The following CTTNBP2 variants were observed in gnomAD, a reference collection of about 807,000 sequenced individuals.
CTTNBP2 encodes the protein cortactin-binding protein 2.
A neutral mutation model predicts 156.9 loss-of-function variants in CTTNBP2; 108 were observed. That is an observed-to-expected ratio of 0.69 (90% CI 0.59 to 0.81). The LOEUF is 0.81. CTTNBP2 is among the 30% of genes least tolerant of loss of function. The probability of loss-of-function intolerance (pLI) is 0.00; values close to 1 mark genes in which losing one functional copy is unlikely to be tolerated. For synonymous variants in CTTNBP2, 767 were observed against 751.8 expected (o/e 1.02, Z -0.33); for missense variants, 1,924 against 2,035.4 (o/e 0.95, Z 1.05).
At chr7:117,764,220 T>C (rs762733241) in intron 9 of CTTNBP2, among the ~76,000 whole-genome samples, 3 of 152,202 alleles carry the variant, frequency 2.0e-5, no homozygotes, top group Non-Finnish European at 4.4e-5. Flanking sequence ...TGTTCATTCA[T>C]GTCCACAGGA....
At chr7:117,811,145 C>T (rs994003286) in intron 2 of CTTNBP2, among the ~76,000 whole-genome samples, 156 bp from the exon 3 acceptor site, 1 of 152,054 alleles carries the variant, frequency 6.6e-6, no homozygotes, top group Non-Finnish European at 1.5e-5. Context: ...CAAATGTGAC[C>T]CCCAGTCTCC....
intron 2 of CTTNBP2, among the ~76,000 whole-genome samples, chr7:117,833,731 A>G (rs1801760465): frequency 6.6e-6 from 1 of 152,214 alleles, no homozygotes; most frequent in Non-Finnish European, 1.5e-5. Context: ...GAGAGCTACA[A>G]GAAAGAGACC....
chr7:117,735,421 G>A lies in CTTNBP2; in HGVS notation c.3536C>T (p.Ala1179Val). 6.3e-7 allele frequency: 1 copy of A among 1,587,154 alleles called. No individual in the cohort carries two copies. The change falls in exon 15 of 23, where the codon GCT (alanine) becomes GTT (valine). Residue 1179 changes from alanine (A) to valine (V), a missense_variant and splice_region_variant. Transcript: ENST00000160373. The part of the protein sequence containing the change: ...EQLLDLFISS[A>V]CLIPVKQSPS... ...AGATTGTTTCACTGGGATCAGACAA[G>A]CTATAATAAAAAAGGAAATTCAGTG... is the stretch of plus-strand genomic sequence containing the variant.
In CTTNBP2 at chr7:117,711,562, T is replaced by C; in HGVS notation, c.4967A>G (p.Glu1656Gly). 6.2e-7 allele frequency: 1 copy of C among 1,613,588 alleles called. No homozygotes were observed. Among genetic ancestry groups the C allele is most frequent in the Non-Finnish European group, 8.5e-7 (1 of 1,179,832 alleles). The change falls in exon 23 of 23, where the codon GAA becomes GGA. Residue 1656 changes from glutamate (E) to glycine (G), a missense_variant. Physicochemically the swap from Glu to Gly is moderately conservative, Grantham distance 98. Coordinates refer to ENST00000160373, the MANE Select transcript of CTTNBP2 (RefSeq NM_033427.3). ...KEVNWNLHKN[E>G]HLEKPNK ...CTATTTGTTAGGTTTTTCTAGGTGTTCATTTTTGTGTAAGTTCCAATTCAC... is the reference window on the plus strand; with the variant it reads ...CTATTTGTTAGGTTTTTCTAGGTGTCCATTTTTGTGTAAGTTCCAATTCAC...
chr7:117,782,901 A>C lies in CTTNBP2; in HGVS notation c.2333T>G (p.Phe778Cys). ...AQVNAADKNGFTPLCAAAAQG... is the reference protein window; with the variant it reads ...AQVNAADKNGCTPLCAAAAQG... ...AGCAGCTGCAGCACACAAGGGTGTG[A>C]AGCCATTTTTATCAGCAGCATTGAC... The change falls in exon 6 of 23, where the codon TTC becomes TGC. Residue 778 changes from phenylalanine (F) to cysteine (C), a missense_variant. Coordinates refer to ENST00000160373, the MANE Select transcript of CTTNBP2 (RefSeq NM_033427.3). 1 of 1,614,118 alleles carries C rather than the reference A, an allele frequency of 6.2e-7. No individual in the cohort carries two copies. Among genetic ancestry groups the C allele is most frequent in the Non-Finnish European group, 8.5e-7 (1 of 1,179,956 alleles).
At chr7:117,854,983 C>T (rs931051916) in intron 2 of CTTNBP2, among the ~76,000 whole-genome samples, 2 of 152,118 alleles carry the variant, frequency 1.3e-5, no homozygotes, top group African/African-American at 2.4e-5. Context: ...TAGGGTTTCA[C>T]CATGTTGGCC....
Position 117,760,614 on chromosome 7 carries a change from A to G in CTTNBP2, c.2993T>C (p.Leu998Ser). The G allele has an allele frequency of 6.2e-7, 1 of 1,614,130 alleles. No individual in the cohort carries two copies. Among genetic ancestry groups the G allele is most frequent in the Non-Finnish European group, 8.5e-7 (1 of 1,179,976 alleles). ...CCATGATGTCTGTTTGCGGATATTT[A>G]AAGCACATATTGTGTTTTCACATTC... ...DLECENTICA[L>S]NIRKQTSWDD... Residue 998 changes from leucine (L) to serine (S), a missense_variant, in exon 10 of 23, where the codon TTA becomes TCA. Leu to Ser is a moderately radical substitution (Grantham distance 145). Coordinates refer to ENST00000160373, the MANE Select transcript of CTTNBP2 (RefSeq NM_033427.3).
intron 19 of CTTNBP2, among the ~76,000 whole-genome samples, chr7:117,723,872 G>A (rs1425030247): frequency 2.0e-5 from 3 of 151,232 alleles, no homozygotes; most frequent in Non-Finnish European, 3.0e-5. Context: ...CATGCCTCAG[G>A]CTCCTGAGTA....
intron 1 of CTTNBP2, among the ~76,000 whole-genome samples, chr7:117,868,190 C>A (rs1804339231): frequency 6.6e-6 from 1 of 152,150 alleles, no homozygotes; most frequent in Non-Finnish European, 1.5e-5. Context: ...AGCAGACATT[C>A]AAATGTAATA....
At chr7:117,844,520 G>A (rs554405550) in intron 2 of CTTNBP2, among the ~76,000 whole-genome samples, 2 of 152,228 alleles carry the variant, frequency 1.3e-5, no homozygotes, top group South Asian at 4.1e-4. Flanking sequence ...GGTTAGAACG[G>A]TGTTGGCAAA....
At chr7:117,729,038 T>C (rs1174721515) in intron 16 of CTTNBP2, among the ~76,000 whole-genome samples, 4 of 152,110 alleles carry the variant, frequency 2.6e-5, no homozygotes, top group African/African-American at 9.7e-5. Context: ...CAAGACCACA[T>C]GTAGAGGAAG....
chr7:117,773,037 T>G (rs1797876183), intron 8 of CTTNBP2, among the ~76,000 whole-genome samples: 1 of 152,136 alleles, frequency 6.6e-6, no homozygotes, highest in South Asian at 2.1e-4. Flanking sequence ...AAAAAGGAAA[T>G]AATCATAGAT....
At chr7:117,767,029 G>T in intron 9 of CTTNBP2, 30 bp downstream of exon 9, 1 of 1,201,182 alleles carries the variant, frequency 8.3e-7, no homozygotes, top group Non-Finnish European at 1.2e-6. Context: ...ATAGGGGAAA[G>T]ATAAACAATA....
intron 1 of CTTNBP2, 140 bp downstream of exon 1, chr7:117,873,195 G>C: frequency 4.9e-6 from 3 of 614,508 alleles, no homozygotes; most frequent in African/African-American, 1.9e-5. Flanking sequence ...CGAGGAAGGG[G>C]GGCCCCGATG....
At chr7:117,750,018 A>AT (rs1432544518) in intron 12 of CTTNBP2, among the ~76,000 whole-genome samples, 3 of 152,146 alleles carry the variant, frequency 2.0e-5, no homozygotes, top group East Asian at 1.9e-4. Flanking sequence ...ATTGGGTAGA[A>AT]TTTTTTTTCA....
At chr7:117,760,316 G>A in intron 10 of CTTNBP2, 119 bp downstream of exon 10, 1 of 963,918 alleles carries the variant, frequency 1.0e-6, no homozygotes, top group Non-Finnish European at 1.5e-6. Context: ...AGCACCGGCA[G>A]CTGCCACAAG....
chr7:117,721,951 TTAA>T (rs1794814890), intron 19 of CTTNBP2, among the ~76,000 whole-genome samples: 1 of 152,216 alleles, frequency 6.6e-6, no homozygotes, highest in Non-Finnish European at 1.5e-5. Flanking sequence ...TCTAAAAATA[TTAA>T]TGTTGTCAAC....
chr7:117,780,408 T>A (rs769942466), intron 7 of CTTNBP2, 33 bp downstream of exon 7: 2 of 1,398,562 alleles, frequency 1.4e-6, no homozygotes, highest in African/African-American at 3.0e-5. Flanking sequence ...GCAAATTATA[T>A]ATACAGGGGG....
Position 117,792,340 on chromosome 7 carries a change from T to C in CTTNBP2, c.856A>G (p.Lys286Glu). 6.2e-7 allele frequency: 1 copy of C among 1,614,182 alleles called. No individual in the cohort carries two copies. The highest frequency in any genetic ancestry group is 8.5e-7 in the Non-Finnish European group (1 of 1,180,016). ...GATATGGAAACCAAACGCCTATCTTTTGTCTTCCGTGGAAGAGAGAGGCTT... is the reference window on the plus strand; with the variant it reads ...GATATGGAAACCAAACGCCTATCTTCTGTCTTCCGTGGAAGAGAGAGGCTT... ...KPSLSLPRKT[K>E]DRRLVSISVG... The change falls in exon 4 of 23, where the codon AAA becomes GAA. Residue 286 changes from lysine to glutamate, a missense_variant. Transcript: ENST00000160373. The surrounding 1 kb of genome is among the most constrained non-coding windows in gnomAD (Gnocchi z 4.2).
Sources: gnomAD v4.1 joint callset for allele counts (sites outside exome capture counted in the v4.1 genomes callset) on GRCh38, gnomAD v4.1.1 for gene constraint, Gnocchi (gnomAD v3.1) non-coding constraint, MANE v1.5 for transcripts, NCBI Gene and HGNC (gene_info 2026-07-23, HGNC 2026-07-21) for gene names.